CNBD1: variants seen among roughly 807,000 people sequenced by gnomAD.
CNBD1 encodes the protein cyclic nucleotide-binding domain-containing protein 1.
CNBD1 carries 71 observed loss-of-function variants against 54.4 expected under a neutral mutation model. The observed-to-expected ratio is 1.30, with a 90% confidence interval of 1.08 to 1.59. The LOEUF (loss-of-function observed/expected upper bound fraction) is 1.59. Among genes scored for constraint, CNBD1 ranks in the 40% most tolerant of loss-of-function variants. The pLI is 0.00. For synonymous variants in CNBD1, 182 were observed against 170.7 expected, an observed-to-expected ratio of 1.07 and a Z score of -0.51; for missense variants, 659 against 518.0, an observed-to-expected ratio of 1.27 and a Z score of -2.64.
intron 4 of CNBD1, among the ~76,000 whole-genome samples, chr8:87,011,579 A>G (rs1001235179): frequency 1.6e-4 from 24 of 151,974 alleles, no homozygotes; most frequent in Non-Finnish European, 2.8e-4. Flanking sequence ...AGTACTTATT[A>G]AAATCTTCAT....
intron 4 of CNBD1, among the ~76,000 whole-genome samples, chr8:87,068,548 G>A (rs1039070510): frequency 2.0e-5 from 3 of 152,096 alleles, no homozygotes; most frequent in Non-Finnish European, 2.9e-5. Context: ...GAGCCTGGAC[G>A]TGTCTTGTTA....
intron 2 of CNBD1, among the ~76,000 whole-genome samples, chr8:87,421,624 A>C (rs1341473631): frequency 6.6e-6 from 1 of 151,978 alleles, no homozygotes; most frequent in Non-Finnish European, 1.5e-5. Context: ...TTATGGCTGC[A>C]TAGTATTCCA....
chr8:87,201,521 C>T (rs1813861521), intron 4 of CNBD1, among the ~76,000 whole-genome samples: 2 of 152,096 alleles, frequency 1.3e-5, no homozygotes, highest in East Asian at 3.9e-4. Flanking sequence ...TAAACACATT[C>T]AGCAGTGTTT....
intron 2 of CNBD1, among the ~76,000 whole-genome samples, chr8:87,388,408 A>G (rs1242252059): frequency 2.0e-5 from 3 of 152,252 alleles, no homozygotes; most frequent in Non-Finnish European, 4.4e-5. Flanking sequence ...ATAAAAAATG[A>G]TAAAGGGGAT....
At chr8:87,017,537 A>G (rs1303454724) in intron 4 of CNBD1, among the ~76,000 whole-genome samples, 2 of 152,220 alleles carry the variant, frequency 1.3e-5, no homozygotes, top group Non-Finnish European at 2.9e-5. Context: ...AAAGTTCCAT[A>G]ATAAAATAAA....
chr8:87,213,035 G>A (rs1814134471), intron 5 of CNBD1, among the ~76,000 whole-genome samples: 1 of 152,118 alleles, frequency 6.6e-6, no homozygotes, highest in African/African-American at 2.4e-5. Flanking sequence ...TTTCGAAAAT[G>A]AGTATATTAG....
At chr8:87,282,735 T>C (rs1808621630) in intron 6 of CNBD1, among the ~76,000 whole-genome samples, 1 of 152,034 alleles carries the variant, frequency 6.6e-6, no homozygotes. Flanking sequence ...GGATGATTTT[T>C]GCTTTCATAA....
At chr8:87,107,432 G>GGTCTCATCTT (rs1269753605) in intron 4 of CNBD1, among the ~76,000 whole-genome samples, 1 of 152,038 alleles carries the variant, frequency 6.6e-6, no homozygotes, top group Non-Finnish European at 1.5e-5. Flanking sequence ...TCTTTCTTTA[G>GGTCTCATCTT]GTCTCATCTT....
At chr8:87,276,908 C>T (rs1462321933) in intron 6 of CNBD1, among the ~76,000 whole-genome samples, 1 of 151,458 alleles carries the variant, frequency 6.6e-6, no homozygotes, top group East Asian at 1.9e-4. Flanking sequence ...GTTTAGTCTA[C>T]CAGGCAGTCA....
intron 10 of CNBD1, among the ~76,000 whole-genome samples, chr8:87,380,067 A>G (rs1338209602): frequency 6.6e-6 from 1 of 151,930 alleles, no homozygotes; most frequent in African/African-American, 2.4e-5. Context: ...GTAAGGATAA[A>G]CTTAGACAAA....
chr8:87,292,454 T>G (rs1808805938), intron 8 of CNBD1, among the ~76,000 whole-genome samples: 1 of 152,196 alleles, frequency 6.6e-6, no homozygotes. Flanking sequence ...TCAGTATGCA[T>G]GCGGCAAGCT....
intron 6 of CNBD1, among the ~76,000 whole-genome samples, chr8:87,279,271 AATG>A: frequency 6.6e-6 from 1 of 151,592 alleles, no homozygotes; most frequent in South Asian, 2.1e-4. Flanking sequence ...ACAAAATGAT[AATG>A]AAAGAATATA....
intron 1 of CNBD1, among the ~76,000 whole-genome samples, chr8:86,872,390 TTATAATCACATTTTA>T (rs1220362941): frequency 2.0e-5 from 3 of 152,186 alleles, no homozygotes; most frequent in African/African-American, 4.8e-5. Flanking sequence ...TATTTATTAA[TTATAATCACATTTTA>T]TATAATCACA....
intron 8 of CNBD1, among the ~76,000 whole-genome samples, chr8:87,326,153 G>A (rs948893022): frequency 8.6e-5 from 11 of 127,566 alleles, no homozygotes; most frequent in Non-Finnish European, 1.6e-4. Context: ...CTGGCTTGTA[G>A]GGTTTCTGCC....
chr8:87,031,687 T>C (rs1809795164), intron 4 of CNBD1, among the ~76,000 whole-genome samples: 5 of 152,106 alleles, frequency 3.3e-5, no homozygotes, highest in Admixed American at 3.3e-4. Flanking sequence ...TTAAATCTCA[T>C]TCCTCCATTA....
intron 10 of CNBD1, among the ~76,000 whole-genome samples, chr8:87,364,748 G>A (rs1810606476): frequency 6.6e-6 from 1 of 151,890 alleles, no homozygotes; most frequent in African/African-American, 2.4e-5. Flanking sequence ...GCTGTATTTG[G>A]TTTTCTGTTC....
At chr8:87,064,368 A>G (rs796629192) in intron 4 of CNBD1, among the ~76,000 whole-genome samples, 3 of 151,986 alleles carry the variant, frequency 2.0e-5, no homozygotes, top group Admixed American at 6.6e-5. Context: ...TTATTTTACT[A>G]TCATTTTGTT....
At chr8:86,952,683 A>C (rs1046022874) in intron 4 of CNBD1, among the ~76,000 whole-genome samples, 1 of 152,176 alleles carries the variant, frequency 6.6e-6, no homozygotes, top group African/African-American at 2.4e-5. Flanking sequence ...TAAACTGTGC[A>C]GTTTGATAAC....
chr8:87,116,959 T>C, intron 4 of CNBD1, among the ~76,000 whole-genome samples: 1 of 152,208 alleles, frequency 6.6e-6, no homozygotes, highest in East Asian at 1.9e-4. Flanking sequence ...TTTCTGTTTT[T>C]CTTACCAGAA....
Sources: allele counts gnomAD v4.1 joint callset (sites outside exome capture counted in the v4.1 genomes callset), GRCh38; gene constraint gnomAD v4.1.1; transcripts MANE v1.5; gene names NCBI Gene and HGNC (gene_info 2026-07-23, HGNC 2026-07-21).